Variants in SHANK2 observed in about 807,000 individuals in gnomAD.
SHANK2 encodes SH3 and multiple ankyrin repeat domains protein 2.
Under a neutral mutation model 133.7 loss-of-function variants are expected in SHANK2, and 43 were observed. The ratio of observed to expected loss-of-function variants is 0.32; its 90% confidence interval spans 0.25 to 0.41. The LOEUF (loss-of-function observed/expected upper bound fraction) is 0.41. Ranked by LOEUF, SHANK2 falls within the 10% of genes least tolerant of loss-of-function variation. SHANK2 has a pLI of 1.00. For missense variants in SHANK2, 1,994 were observed against 2,235.8 expected, an observed-to-expected ratio of 0.89 and a Z score of 2.18; for synonymous variants, 1,017 against 952.8, an observed-to-expected ratio of 1.07 and a Z score of -1.24.
chr11:70,945,120 T>C (rs1395938104), intron 10 of SHANK2, among the ~76,000 whole-genome samples: 2 of 152,100 alleles, frequency 1.3e-5, no homozygotes, highest in Non-Finnish European at 2.9e-5. Context: ...ATCTCCATCT[T>C]CTACTTGAGG....
chr11:71,197,533 T>C (rs1953930363), intron 2 of SHANK2, among the ~76,000 whole-genome samples: 1 of 152,264 alleles, frequency 6.6e-6, no homozygotes, highest in African/African-American at 2.4e-5. Flanking sequence ...TCTCTGTCTC[T>C]CCATCTGGGC....
chr11:70,531,730 G>A (rs1403646400), intron 17 of SHANK2, among the ~76,000 whole-genome samples: 4 of 152,310 alleles, frequency 2.6e-5, no homozygotes, highest in South Asian at 2.1e-4. Context: ...GACACTGAGC[G>A]CCTTGGGAAG....
chr11:70,789,279 A>T (rs1947735925), intron 14 of SHANK2, among the ~76,000 whole-genome samples: 1 of 152,186 alleles, frequency 6.6e-6, no homozygotes, highest in African/African-American at 2.4e-5. Flanking sequence ...TTCTCCATTG[A>T]GTGCCACAAA....
At chr11:70,572,789 A>G (rs2060062640) in intron 17 of SHANK2, among the ~76,000 whole-genome samples, 1 of 152,198 alleles carries the variant, frequency 6.6e-6, no homozygotes, top group Non-Finnish European at 1.5e-5. Flanking sequence ...GACCCGCCAC[A>G]CGTGGCTGGC....
In SHANK2 at chr11:70,504,719, G is replaced by C. The variant is rs577983758; in HGVS notation, c.2062-1788C>G. The stretch of plus-strand genomic sequence containing the variant: ...TCCTGGGGGCTGTTCCTTTCACTGA[G>C]GTTCTCAGAATGTAATTAGGAAAGC... On this transcript the variant is annotated intron_variant, in intron 17 of 25. Coordinates refer to ENST00000601538, the MANE Select transcript of SHANK2 (RefSeq NM_012309.5). Among the ~76,000 whole-genome samples, 5 of 152,236 alleles carry C rather than the reference G, an allele frequency of 3.3e-5. No homozygotes were observed. The South Asian group carries it at 1.0e-3, about 32-fold the overall frequency.
intron 15 of SHANK2, among the ~76,000 whole-genome samples, chr11:70,694,928 T>C (rs546725781): frequency 6.6e-6 from 1 of 152,276 alleles, no homozygotes; most frequent in South Asian, 2.1e-4. Context: ...CTGTCCACCC[T>C]GCCATGCTAA....
chr11:70,842,364 C>T (rs1032255281), intron 11 of SHANK2, among the ~76,000 whole-genome samples: 7 of 152,264 alleles, frequency 4.6e-5, no homozygotes, highest in East Asian at 1.9e-4. Flanking sequence ...ATGGTGACCC[C>T]GAGGTGGTCA....
chr11:70,680,836 C>T (rs782714209), intron 15 of SHANK2, among the ~76,000 whole-genome samples: 1 of 152,154 alleles, frequency 6.6e-6, no homozygotes, highest in African/African-American at 2.4e-5. Context: ...CATCCAACTG[C>T]AGGCACCGTC....
chr11:70,906,171 G>A (rs1555077920), intron 10 of SHANK2, among the ~76,000 whole-genome samples: 1 of 152,208 alleles, frequency 6.6e-6, no homozygotes. Context: ...TGTTGCACCT[G>A]TCACCCAGGC....
At chr11:71,143,239 A>C (rs1555106104) in intron 3 of SHANK2, among the ~76,000 whole-genome samples, 9 of 152,106 alleles carry the variant, frequency 5.9e-5, no homozygotes. Flanking sequence ...CATCTCAAAA[A>C]ACAAACAAAC....
chr11:71,245,272 G>A (rs112832374), intron 1 of SHANK2, among the ~76,000 whole-genome samples: 10,923 of 151,990 alleles, frequency 0.072, 444 homozygotes, highest in Middle Eastern at 0.13. Context: ...GAGCCACCTC[G>A]ACCGGCCTCA....
intron 4 of SHANK2, among the ~76,000 whole-genome samples, chr11:71,115,595 T>G (rs927488606): frequency 1.3e-5 from 2 of 152,212 alleles, no homozygotes; most frequent in African/African-American, 4.8e-5. Context: ...CACTGCTCCA[T>G]GAACACTTCC....
intron 15 of SHANK2, among the ~76,000 whole-genome samples, chr11:70,681,329 C>A (rs886296961): frequency 2.6e-5 from 4 of 152,210 alleles, no homozygotes; most frequent in Non-Finnish European, 5.9e-5. Flanking sequence ...GAGGAGAATT[C>A]AGAAGTCCAA....
chr11:70,832,974 C>T (rs1299633346), intron 11 of SHANK2, among the ~76,000 whole-genome samples: 1 of 152,232 alleles, frequency 6.6e-6, no homozygotes, highest in Non-Finnish European at 1.5e-5. Flanking sequence ...ATCCTCACTG[C>T]ATCTGCAGAG....
intron 11 of SHANK2, among the ~76,000 whole-genome samples, chr11:70,880,472 G>A (rs1231221679): frequency 6.6e-6 from 1 of 152,232 alleles, no homozygotes; most frequent in Non-Finnish European, 1.5e-5. Context: ...CCTGGAAGGG[G>A]CTTGGAAAAG....
At chr11:70,676,286 T>A (rs1555017177) in intron 15 of SHANK2, among the ~76,000 whole-genome samples, 1 of 152,214 alleles carries the variant, frequency 6.6e-6, no homozygotes, top group African/African-American at 2.4e-5. Context: ...CAGTTATGGA[T>A]GGTCATGACC....
At chr11:70,532,852 CA>C (rs1554973480) in intron 17 of SHANK2, among the ~76,000 whole-genome samples, 1 of 152,182 alleles carries the variant, frequency 6.6e-6, no homozygotes, top group African/African-American at 2.4e-5. Context: ...AAGATGGACG[CA>C]ACCCAGTGTC....
At chr11:70,691,880 C>A (rs1945296035) in intron 15 of SHANK2, among the ~76,000 whole-genome samples, 1 of 152,048 alleles carries the variant, frequency 6.6e-6, no homozygotes, top group Non-Finnish European at 1.5e-5. Context: ...GGCAACAGAG[C>A]AAAACTCTGT....
rs148246296 is a variant in SHANK2, at chr11:70,799,508, A to T, written c.1664-952T>A. ...GAATTATCTTCACTTAAAATGGAAG[A>T]AACTGCACTAAAAACCTCACACAGT... On this transcript the variant is annotated intron_variant, in intron 13 of 25. Transcript: ENST00000601538. Among the ~76,000 whole-genome samples the T allele has an allele frequency of 4.0e-3, 610 of 152,348 alleles. 12 individuals carry two copies. In the South Asian group the frequency reaches 0.05, roughly 12 times the overall value.
Sources: allele counts gnomAD v4.1 joint callset (sites outside exome capture counted in the v4.1 genomes callset), GRCh38; gene constraint gnomAD v4.1.1; transcripts MANE v1.5; gene names NCBI Gene and HGNC (gene_info 2026-07-23, HGNC 2026-07-21).